The following MCM5 variants were observed in gnomAD, a reference collection of about 807,000 sequenced individuals.
The protein encoded by MCM5 is minichromosome maintenance complex component 5.
A neutral mutation model predicts 79.9 loss-of-function variants in MCM5; 46 were observed. The observed-to-expected ratio is 0.58, with a 90% CI of 0.45 to 0.74. The LOEUF (loss-of-function observed/expected upper bound fraction) is 0.74, where lower values mean the gene tolerates loss of function less well. MCM5 is among the 30% of genes least tolerant of loss of function. The pLI is 0.00. For synonymous variants in MCM5, 404 were observed against 390.5 expected (o/e 1.03, Z -0.41); for missense variants, 883 against 1,017.0 (o/e 0.87, Z 1.79).
intron 2 of MCM5, 23 bp from the exon 3 acceptor site, chr22:35,403,184 A>C (rs749496936): frequency 1.9e-5 from 30 of 1,613,280 alleles, no homozygotes; most frequent in Non-Finnish European, 2.5e-5. Flanking sequence ...TTCCTGCCCC[A>C]CCCTGCTATG....
chr22:35,408,591 A>C, intron 6 of MCM5, 28 bp downstream of exon 6: 2 of 1,592,852 alleles, frequency 1.3e-6, no homozygotes, highest in Non-Finnish European at 1.7e-6. Flanking sequence ...GGAGGTGGGC[A>C]TCTACGACGG....
intron 6 of MCM5, 24 bp from the exon 7 acceptor site, chr22:35,410,713 TTTTCTCC>T: frequency 6.2e-7 from 1 of 1,608,646 alleles, no homozygotes; most frequent in Non-Finnish European, 8.5e-7. Context: ...GAATCTCAGC[TTTTCTCC>T]TTTCTCCTCT....
downstream of MCM5, among the ~76,000 whole-genome samples, chr22:35,430,061 TGGG>T (rs1288676026): frequency 1.3e-5 from 2 of 152,224 alleles, no homozygotes; most frequent in South Asian, 2.1e-4. Flanking sequence ...ACCCTAAAAA[TGGG>T]GGGAATAAAA....
chr22:35,427,728 A>T (rs912829604), downstream of MCM5, among the ~76,000 whole-genome samples: 10 of 144,790 alleles, frequency 6.9e-5, no homozygotes, highest in African/African-American at 2.5e-4. Flanking sequence ...TTTAATTAGG[A>T]GTGTCAAGTC....
rs1486560412 is a variant in MCM5, at chr22:35,406,554, C to T, written c.425C>T (p.Ser142Leu). The change falls in exon 5 of 17, where the codon TCG (serine) becomes TTG (leucine). Residue 142 changes from serine to leucine, a missense_variant and splice_region_variant. This residue lies in a region of MCM5 where 455 missense variants were observed against 517.5 expected (regional missense o/e 0.88). Coordinates refer to ENST00000216122, the MANE Select transcript of MCM5 (RefSeq NM_006739.4). The stretch of plus-strand genomic sequence containing the variant: ...AGCTTCCCGATGGCTCTATTACAGT[C>T]GGACATGATGTCACACCTGGTGAAG... The part of the protein sequence containing the change: ...ASPSSIRSLK[S>L]DMMSHLVKIP... 6.8e-6 allele frequency: 11 copies of T among 1,612,494 alleles called. No homozygotes were observed. Among genetic ancestry groups the T allele is most frequent in the East Asian group, 2.2e-5 (1 of 44,868 alleles).
intron 4 of MCM5, among the ~76,000 whole-genome samples, chr22:35,404,762 A>G (rs1452546877): frequency 6.6e-6 from 1 of 152,096 alleles, no homozygotes; most frequent in African/African-American, 2.4e-5. Flanking sequence ...ACTTCTGCTC[A>G]TGTCTGGTTC....
At chr22:35,401,934 G>A in intron 2 of MCM5, 1 of 345,864 alleles carries the variant, frequency 2.9e-6, no homozygotes, top group Non-Finnish European at 5.7e-6. Flanking sequence ...TTGTGTAGAG[G>A]TGTGGGGTGT....
At chr22:35,443,102 C>A in the MCM5 span, among the ~76,000 whole-genome samples, 1 of 152,192 alleles carries the variant, frequency 6.6e-6, no homozygotes, top group Non-Finnish European at 1.5e-5. Context: ...TGAGCCCAGC[C>A]CCGCACCTTC....
chr22:35,413,781 G>A, intron 8 of MCM5, 94 bp from the exon 9 acceptor site: 1 of 751,342 alleles, frequency 1.3e-6, no homozygotes, highest in South Asian at 1.5e-5. Flanking sequence ...GATAGTTGGG[G>A]GAGTCAACTG....
At chr22:35,445,451 C>T in the MCM5 span, among the ~76,000 whole-genome samples, 1 of 150,254 alleles carries the variant, frequency 6.7e-6, no homozygotes, top group Non-Finnish European at 1.5e-5. Context: ...GTCTCAGCCT[C>T]CTGAGTAGCT....
the MCM5 span, among the ~76,000 whole-genome samples, chr22:35,449,142 G>T: frequency 1.1e-4 from 16 of 152,168 alleles, no homozygotes; most frequent in Non-Finnish European, 1.6e-4. Context: ...GGAAACCGAG[G>T]GTACTGAGAT....
intron 13 of MCM5, 69 bp downstream of exon 13, chr22:35,417,925 C>T: frequency 1.9e-6 from 2 of 1,046,600 alleles, no homozygotes; most frequent in Non-Finnish European, 3.0e-6. Flanking sequence ...GAACCCAGTC[C>T]CCTGGTCCTG....
intron 4 of MCM5, among the ~76,000 whole-genome samples, chr22:35,404,942 C>T (rs1320830551): frequency 6.6e-6 from 1 of 151,486 alleles, no homozygotes; most frequent in African/African-American, 2.4e-5. Flanking sequence ...ATAATTCAAA[C>T]ATTAGAATAT....
chr22:35,429,304 A>G (rs1932798200), downstream of MCM5, among the ~76,000 whole-genome samples: 1 of 151,272 alleles, frequency 6.6e-6, no homozygotes, highest in Non-Finnish European at 1.5e-5. Context: ...TTGAAATGCT[A>G]GGTCCTAAGG....
the MCM5 span, among the ~76,000 whole-genome samples, chr22:35,437,776 T>C: frequency 6.6e-6 from 1 of 152,184 alleles, no homozygotes; most frequent in African/African-American, 2.4e-5. Flanking sequence ...GTCACCTGGG[T>C]AGCCTGTTAA....
chr22:35,449,822 C>T, the MCM5 span, among the ~76,000 whole-genome samples: 1 of 152,264 alleles, frequency 6.6e-6, no homozygotes, highest in Non-Finnish European at 1.5e-5. Context: ...CACTCTGTCT[C>T]CCAGGCTGGA....
chr22:35,414,314 T>C (rs1054064675), intron 9 of MCM5, among the ~76,000 whole-genome samples: 1 of 152,182 alleles, frequency 6.6e-6, no homozygotes, highest in African/African-American at 2.4e-5. Flanking sequence ...ATAATGATAT[T>C]GTTATCATTA....
At chr22:35,412,454 C>G (rs967645179) in intron 7 of MCM5, 56 bp from the exon 8 acceptor site, 34 of 1,386,476 alleles carry the variant, frequency 2.5e-5, no homozygotes, top group Admixed American at 5.3e-5. Flanking sequence ...CCAGGATGGG[C>G]AGTGGGCTGG....
At position 35,415,936 on chromosome 22, in the gene MCM5, C is replaced by G; in HGVS notation, c.1311C>G (p.Ala437=). The change falls in exon 10 of 17, where the codon GCC becomes GCG. Residue 437 remains alanine (A), a synonymous_variant. Transcript: ENST00000216122. ...TGGAGGGCGGAGCCATGGTCCTGGC[C>G]GATGGTGGGGTCGTCTGTATTGACG... is the stretch of plus-strand genomic sequence containing the variant. ...FIMEGGAMVL[A]DGGVVCIDEF... 2 of 1,614,090 alleles carry G rather than the reference C, an allele frequency of 1.2e-6. No individual in the cohort carries two copies. Among genetic ancestry groups the G allele is most frequent in the Non-Finnish European group, 1.7e-6 (2 of 1,180,014 alleles).
Sources: gnomAD v4.1 joint callset for allele counts (sites outside exome capture counted in the v4.1 genomes callset) on GRCh38, gnomAD v4.1.1 for gene constraint, gnomAD v4.1.1 regional missense constraint, MANE v1.5 for transcripts, NCBI Gene and HGNC (gene_info 2026-07-23, HGNC 2026-07-21) for gene names.